Variants in STAB2 observed in about 807,000 individuals in gnomAD.
The protein encoded by STAB2 is stabilin-2.
Under a neutral mutation model 338.1 loss-of-function variants are expected in STAB2, and 288 were observed. The ratio of observed to expected loss-of-function variants is 0.85; its 90% CI spans 0.77 to 0.94. The LOEUF is 0.94. Among genes scored for constraint, STAB2 ranks in the 40% least tolerant of loss-of-function variants. The pLI, the probability that STAB2 is intolerant of heterozygous loss-of-function variation, is 0.00. For synonymous variants in STAB2, 1,202 were observed against 1,193.3 expected (o/e 1.01, Z -0.15); for missense variants, 3,141 against 3,210.1 (o/e 0.98, Z 0.52).
chr12:103,764,753 A>AATCATATT (rs1300785472), intron 68 of STAB2, among the ~76,000 whole-genome samples: 2 of 152,124 alleles, frequency 1.3e-5, no homozygotes, highest in Non-Finnish European at 2.9e-5. Context: ...CCAGATTGCA[A>AATCATATT]ATCATATTTT....
intron 59 of STAB2, 34 bp from the exon 60 acceptor site, chr12:103,750,544 GA>G: frequency 6.2e-7 from 1 of 1,610,038 alleles, no homozygotes; most frequent in Non-Finnish European, 8.5e-7. Flanking sequence ...CCTAGAGAAG[GA>G]ACTTTTTCAT....
At position 103,712,453 on chromosome 12, in the gene STAB2, G is replaced by A; in HGVS notation, c.4411+10G>A. 2.5e-6 allele frequency: 4 copies of A among 1,610,898 alleles called. No individual in the cohort carries two copies. Among genetic ancestry groups the A allele is most frequent in the Non-Finnish European group, 3.4e-6 (4 of 1,177,400 alleles). ...GGGACCATCTGCACAGGCAAGCGAA[G>A]GAAGGAATTTGCTGGGGGGGCTGGC... On this transcript the variant is annotated intron_variant, in intron 41 of 68. Transcript: ENST00000388887.
chr12:103,697,191 C>T (rs4981031), intron 33 of STAB2, among the ~76,000 whole-genome samples: 2 of 151,996 alleles, frequency 1.3e-5, no homozygotes, highest in African/African-American at 4.8e-5. Context: ...ATGTGTACCC[C>T]CTTTCAGCAT....
rs1036696952 is a variant in STAB2, at chr12:103,688,176, A to T, written c.3006A>T (p.Ser1002=). ...LCYGNAAVEL[S]FLSEAAIFNR... ...TGCATGATATGAATAAGGAATTGTCATTTCTCTCCGAAGCAGCTATATTTA... is the reference window on the plus strand; with the variant it reads ...TGCATGATATGAATAAGGAATTGTCTTTTCTCTCCGAAGCAGCTATATTTA... Residue 1002 remains serine, a synonymous_variant, in exon 28 of 69, where the codon TCA becomes TCT. Coordinates refer to ENST00000388887, the MANE Select transcript of STAB2 (RefSeq NM_017564.10). 2.5e-6 allele frequency: 4 copies of T among 1,613,630 alleles called. No homozygotes were observed. Among genetic ancestry groups the T allele is most frequent in the Non-Finnish European group, 3.4e-6 (4 of 1,179,752 alleles).
Position 103,762,412 on chromosome 12 carries a change from A to T in STAB2, c.7488+10A>T. 1 of 1,614,148 alleles carries T rather than the reference A, an allele frequency of 6.2e-7. No homozygotes were observed. The highest frequency in any genetic ancestry group is 8.5e-7 in the Non-Finnish European group (1 of 1,180,006). Reference sequence around the variant, plus strand: ...CTTCCAGCATTTTGAGGTAAGAGAGAAAAATGGGAACATGATGATGGGGTC... The same window carrying T: ...CTTCCAGCATTTTGAGGTAAGAGAGTAAAATGGGAACATGATGATGGGGTC... On this transcript the variant is annotated intron_variant, in intron 67 of 68. Coordinates refer to ENST00000388887, the MANE Select transcript of STAB2 (RefSeq NM_017564.10).
chr12:103,630,894 A>G (rs988386609), intron 5 of STAB2, among the ~76,000 whole-genome samples: 7 of 152,232 alleles, frequency 4.6e-5, no homozygotes, highest in African/African-American at 1.7e-4. Flanking sequence ...GTGTTGTTTT[A>G]AGCCACTAAG....
At chr12:103,707,351 T>C (rs1362514562) in intron 38 of STAB2, among the ~76,000 whole-genome samples, 1 of 152,236 alleles carries the variant, frequency 6.6e-6, no homozygotes, top group East Asian at 1.9e-4. Flanking sequence ...ATTCATTTAA[T>C]CCACACAGGA....
At chr12:103,739,677 G>A (rs1426619965) in intron 54 of STAB2, among the ~76,000 whole-genome samples, 1 of 152,098 alleles carries the variant, frequency 6.6e-6, no homozygotes, top group Non-Finnish European at 1.5e-5. Flanking sequence ...GTCAACCCAT[G>A]TTCTAGGACC....
At chr12:103,691,001 C>G (rs192386638) in intron 30 of STAB2, among the ~76,000 whole-genome samples, 1 of 152,294 alleles carries the variant, frequency 6.6e-6, no homozygotes, top group East Asian at 1.9e-4. Context: ...TAGAGTTAAT[C>G]AACCAACAAC....
chr12:103,648,565 C>T, intron 9 of STAB2, 125 bp from the exon 10 acceptor site: 2 of 1,259,998 alleles, frequency 1.6e-6, no homozygotes, highest in Non-Finnish European at 2.2e-6. Flanking sequence ...ACTAGGAATG[C>T]TCTCTTGTCC....
At chr12:103,726,520 C>T (rs1881220067) in intron 46 of STAB2, among the ~76,000 whole-genome samples, 1 of 152,058 alleles carries the variant, frequency 6.6e-6, no homozygotes, top group Admixed American at 6.6e-5. Flanking sequence ...AGCCTCAAGC[C>T]AAATACAGGA....
chr12:103,725,069 T>C lies in STAB2; in HGVS notation c.4778T>C (p.Phe1593Ser). Residue 1593 changes from phenylalanine (F) to serine (S), a missense_variant, in exon 45 of 69, where the codon TTT becomes TCT. Physicochemically the swap from Phe to Ser is radical, Grantham distance 155. Transcript: ENST00000388887. ...TCKPNYIGDG[F>S]TCRGSIYQEL... ...AAGCCAAACTACATTGGAGATGGATTTACCTGCCGCGGCAGCATTTATCAG... is the reference window on the plus strand; with the variant it reads ...AAGCCAAACTACATTGGAGATGGATCTACCTGCCGCGGCAGCATTTATCAG... 1 of 1,613,344 alleles carries C rather than the reference T, an allele frequency of 6.2e-7. No individual in the cohort carries two copies. The highest frequency in any genetic ancestry group is 8.5e-7 in the Non-Finnish European group (1 of 1,179,292).
chr12:103,655,343 T>C (rs1395700742), intron 14 of STAB2, 36 bp downstream of exon 14: 4 of 1,605,450 alleles, frequency 2.5e-6, no homozygotes, highest in South Asian at 1.1e-5. Flanking sequence ...AAAATATTTA[T>C]GTCAAGACTT....
intron 11 of STAB2, among the ~76,000 whole-genome samples, chr12:103,651,861 C>T (rs1288150269): frequency 1.3e-5 from 2 of 152,196 alleles, no homozygotes; most frequent in African/African-American, 2.4e-5. Context: ...AGTAAGTTGC[C>T]GGCTCTCTAA....
chr12:103,655,545 G>A lies in STAB2; in HGVS notation c.1698G>A (p.Met566Ile), dbSNP rs1302829115. The change falls in exon 15 of 69, where the codon ATG becomes ATA. Residue 566 changes from methionine to isoleucine, a missense_variant. By Grantham distance (10) the Met-to-Ile change is conservative (BLOSUM62 1). Transcript: ENST00000388887. ...CAAATAATGAAGCATTGAATAACAT[G>A]AAGGACGGCACTCTCGATTACCTCC... ...FVPNNEALNN[M>I]KDGTLDYLLS... The A allele has an allele frequency of 2.5e-6, 4 of 1,613,838 alleles. No homozygotes were observed. Among genetic ancestry groups the A allele is most frequent in the Non-Finnish European group, 3.4e-6 (4 of 1,180,014 alleles).
At position 103,689,890 on chromosome 12, in the gene STAB2, T is replaced by C; in HGVS notation, c.3090T>C (p.Thr1030=). 6.2e-7 allele frequency: 1 copy of C among 1,614,190 alleles called. No homozygotes were observed. Among genetic ancestry groups the C allele is most frequent in the Admixed American group, 1.7e-5 (1 of 60,024 alleles). ...CACTGTCAGCCACCTCAAACCTCAC[T>C]GTCCTCGTGCCTTCCCAACAAGCTA... The part of the protein sequence containing the change: ...QPTLSATSNL[T]VLVPSQQATE... Residue 1030 remains threonine (T), a synonymous_variant, in exon 29 of 69, where the codon ACT becomes ACC. Transcript: ENST00000388887.
At chr12:103,724,939 T>A (rs1881062174) in intron 44 of STAB2, 36 bp from the exon 45 acceptor site, 1 of 1,609,670 alleles carries the variant, frequency 6.2e-7, no homozygotes, top group Non-Finnish European at 8.5e-7. Context: ...CTAACTGGTC[T>A]AATCCCCATC....
intron 42 of STAB2, among the ~76,000 whole-genome samples, chr12:103,713,997 A>G (rs1328813515): frequency 2.6e-5 from 4 of 152,366 alleles, no homozygotes; most frequent in Non-Finnish European, 5.9e-5. Context: ...CCAATTAAAC[A>G]TCATGGCGAT....
chr12:103,737,703 GC>G lies in STAB2; in HGVS notation c.5622del (p.Tyr1875ThrfsTer7). On this transcript the variant is annotated frameshift_variant, in exon 53 of 69. Transcript: ENST00000388887. LOFTEE classifies it high-confidence loss of function. ...QRELLFDLGV[A>X]YGIDCLLIDP... is the part of the protein sequence containing the mutation. ...GGAGCTCTTGTTTGACCTGGGTGTGGCCTACGGCATTGACTGTCTGCTGATT... is the reference window on the plus strand; with the variant it reads ...GGAGCTCTTGTTTGACCTGGGTGTGGCTACGGCATTGACTGTCTGCTGATT... 6.2e-7 allele frequency: 1 copy of G among 1,612,628 alleles called. No homozygotes were observed. The highest frequency in any genetic ancestry group is 1.1e-5 in the South Asian group (1 of 91,032).
Sources: allele counts gnomAD v4.1 joint callset (sites outside exome capture counted in the v4.1 genomes callset), GRCh38; gene constraint gnomAD v4.1.1; transcripts MANE v1.5; gene names NCBI Gene and HGNC (gene_info 2026-07-23, HGNC 2026-07-21).